Variants in RRBP1 observed in about 807,000 individuals in gnomAD.
RRBP1 encodes the protein ribosome binding protein 1, also known as ribosome-binding protein 1.
In RRBP1, 94 loss-of-function variants were observed where a neutral mutation model predicts 165.2. That is an observed-to-expected ratio of 0.57 (90% confidence interval 0.48 to 0.68). The LOEUF (loss-of-function observed/expected upper bound fraction) is 0.68. Among genes scored for constraint, RRBP1 ranks in the 30% least tolerant of loss-of-function variants. The probability of loss-of-function intolerance (pLI) is 0.00; values close to 1 mark genes in which losing one functional copy is unlikely to be tolerated. For missense variants in RRBP1, 1,676 were observed against 1,763.0 expected, an observed-to-expected ratio of 0.95 and a Z score of 0.88; for synonymous variants, 680 against 714.5, an observed-to-expected ratio of 0.95 and a Z score of 0.77.
At chr20:17,627,784 G>A (rs1405404178) in intron 9 of RRBP1, 102 bp from the exon 10 acceptor site, 1 of 1,169,456 alleles carries the variant, frequency 8.6e-7, no homozygotes, top group East Asian at 2.6e-5. Flanking sequence ...GGGGCACCGA[G>A]GGCTTCCTCC....
In RRBP1 at chr20:17,674,780, T is replaced by A. The variant is rs1391996921; in HGVS notation, c.-22+5219A>T. Reference sequence around the variant, plus strand: ...CTCAAAAAAAAAGAATTCTCCCTTCTCCCCCTAAGGAACATTCTTGCCCAC... The same window carrying A: ...CTCAAAAAAAAAGAATTCTCCCTTCACCCCCTAAGGAACATTCTTGCCCAC... On this transcript the variant is annotated intron_variant, in intron 2 of 24. Transcript: ENST00000377813. 2.6e-5 allele frequency among the ~76,000 whole-genome samples: 4 copies of A among 151,754 alleles called. No homozygotes were observed. The East Asian group carries it at 5.8e-4, about 22-fold the overall frequency.
chr20:17,640,356 A>C (rs979485217), intron 5 of RRBP1, among the ~76,000 whole-genome samples: 8 of 152,240 alleles, frequency 5.3e-5, no homozygotes, highest in South Asian at 2.1e-4. Flanking sequence ...GAAGAGCAAG[A>C]GGAGAGCCCC....
intron 2 of RRBP1, among the ~76,000 whole-genome samples, chr20:17,679,070 C>T (rs920276827): frequency 1.3e-5 from 2 of 152,160 alleles, no homozygotes; most frequent in Admixed American, 1.3e-4. Context: ...GCCCACATCG[C>T]CTAGCAACTG....
intron 3 of RRBP1, among the ~76,000 whole-genome samples, chr20:17,657,458 C>T (rs977766997): frequency 2.6e-5 from 4 of 152,074 alleles, no homozygotes; most frequent in African/African-American, 9.7e-5. Flanking sequence ...CTGTGCAGCC[C>T]GACACAGGTA....
At chr20:17,667,811 GTTCT>G (rs1413065604) in intron 2 of RRBP1, among the ~76,000 whole-genome samples, 3 of 152,168 alleles carry the variant, frequency 2.0e-5, no homozygotes, top group African/African-American at 7.2e-5. Context: ...TCCTTGAGTA[GTTCT>G]TTCAGCAAGG....
chr20:17,661,552 G>A (rs910197741), intron 2 of RRBP1, among the ~76,000 whole-genome samples: 3 of 152,200 alleles, frequency 2.0e-5, no homozygotes, highest in Non-Finnish European at 2.9e-5. Context: ...GCCACAGCCC[G>A]GGCTAAGTTC....
intron 6 of RRBP1, 72 bp from the exon 7 acceptor site, chr20:17,635,736 TA>T: frequency 8.9e-7 from 1 of 1,127,328 alleles, no homozygotes; most frequent in Non-Finnish European, 1.3e-6. Flanking sequence ...GAGCAGTGGT[TA>T]GTGAAGACAC....
chr20:17,624,533 T>C, intron 13 of RRBP1, 43 bp downstream of exon 13: 1 of 1,339,874 alleles, frequency 7.5e-7, no homozygotes, highest in South Asian at 1.2e-5. Context: ...TGCATCCTAG[T>C]GCACTTTCCA....
At chr20:17,628,821 G>A (rs770042990) in intron 9 of RRBP1, among the ~76,000 whole-genome samples, 49 of 152,338 alleles carry the variant, frequency 3.2e-4, no homozygotes, top group Non-Finnish European at 4.6e-4. Flanking sequence ...AGCTGGGGCC[G>A]TGCCTCCCAA....
chr20:17,620,266 C>T (rs1254289242), intron 18 of RRBP1, 33 bp downstream of exon 18: 4 of 1,539,452 alleles, frequency 2.6e-6, no homozygotes, highest in Non-Finnish European at 3.6e-6. Context: ...GCTCCCGGGA[C>T]AAGAGAAAGA....
At chr20:17,625,293 G>A (rs529426756) in intron 12 of RRBP1, among the ~76,000 whole-genome samples, 6 of 152,232 alleles carry the variant, frequency 3.9e-5, no homozygotes, top group East Asian at 3.9e-4. Context: ...AGCGAGTGGC[G>A]CAGGCTGATC....
rs1202191311 is a variant in RRBP1, at chr20:17,670,384, G to A, written c.-22+9615C>T. ...TAACAAGGTTGGCTGGCATCAAAAT[G>A]AGTAGTGTAGGATTCTTTTTTTTTT... On this transcript the variant is annotated intron_variant, in intron 2 of 24. Coordinates refer to ENST00000377813, the MANE Select transcript of RRBP1 (RefSeq NM_001365613.2). 1.0e-4 allele frequency among the ~76,000 whole-genome samples: 15 copies of A among 148,888 alleles called. 1 individual carries two copies. The East Asian group carries it at 1.4e-3, about 14-fold the overall frequency.
intron 9 of RRBP1, among the ~76,000 whole-genome samples, chr20:17,628,401 A>G (rs2036075082): frequency 6.6e-6 from 1 of 152,156 alleles, no homozygotes; most frequent in African/African-American, 2.4e-5. Flanking sequence ...TGCCCTCTTC[A>G]CTAGCACCTC....
chr20:17,667,622 A>G (rs543637934), intron 2 of RRBP1, among the ~76,000 whole-genome samples: 24 of 152,282 alleles, frequency 1.6e-4, no homozygotes, highest in African/African-American at 5.5e-4. Flanking sequence ...AACCACCTAC[A>G]AGGTCTTAGG....
intron 21 of RRBP1, 50 bp downstream of exon 21, chr20:17,616,682 C>A (rs768913144): frequency 4.0e-5 from 51 of 1,284,760 alleles, no homozygotes; most frequent in Non-Finnish European, 5.2e-5. Context: ...GCAGGGCCTG[C>A]ACTCTTCTGG....
At chr20:17,664,208 TGGATCTGAAA>T (rs2036824007) in intron 2 of RRBP1, among the ~76,000 whole-genome samples, 1 of 152,086 alleles carries the variant, frequency 6.6e-6, no homozygotes, top group African/African-American at 2.4e-5. Context: ...TACCAGACAG[TGGATCTGAAA>T]GCTGAGAGGG....
intron 5 of RRBP1, among the ~76,000 whole-genome samples, chr20:17,639,182 C>G (rs998849689): frequency 5.9e-5 from 9 of 152,240 alleles, no homozygotes; most frequent in African/African-American, 1.7e-4. Flanking sequence ...CTGGACTCCT[C>G]AAACCCCCAA....
chr20:17,640,326 A>G (rs1268221892), intron 5 of RRBP1, among the ~76,000 whole-genome samples: 3 of 152,246 alleles, frequency 2.0e-5, no homozygotes, highest in Non-Finnish European at 4.4e-5. Flanking sequence ...CCAAGCACGG[A>G]AGGGCATTAG....
intron 8 of RRBP1, among the ~76,000 whole-genome samples, chr20:17,632,864 C>T (rs1227073870): frequency 6.6e-6 from 1 of 152,162 alleles, no homozygotes; most frequent in Non-Finnish European, 1.5e-5. Context: ...GACAATCTTC[C>T]TCCCTCTGAA....
Sources: gnomAD v4.1 joint callset for allele counts (sites outside exome capture counted in the v4.1 genomes callset) on GRCh38, gnomAD v4.1.1 for gene constraint, MANE v1.5 for transcripts, NCBI Gene and HGNC (gene_info 2026-07-23, HGNC 2026-07-21) for gene names.